TMEM132C: variants seen among roughly 807,000 people sequenced by gnomAD.
TMEM132C encodes the protein transmembrane protein 132C, also known as protein phosphatase 1, regulatory subunit 152.
In TMEM132C, 29 loss-of-function variants were observed where a neutral mutation model predicts 61.4. The observed-to-expected ratio is 0.47, with a 90% confidence interval of 0.35 to 0.64. The LOEUF (loss-of-function observed/expected upper bound fraction) is 0.64. TMEM132C is among the 30% of genes least tolerant of loss of function. The probability of loss-of-function intolerance (pLI) is 0.00; values close to 1 mark genes in which losing one functional copy is unlikely to be tolerated. For missense variants in TMEM132C, 1,408 were observed against 1,476.9 expected (o/e 0.95, Z 0.76); for synonymous variants, 656 against 633.1 (o/e 1.04, Z -0.54).
intron 1 of TMEM132C, among the ~76,000 whole-genome samples, chr12:128,338,771 T>TATATATATATATATATATATATATATAA (rs1194192496): frequency 6.7e-6 from 1 of 149,662 alleles, no homozygotes; most frequent in Admixed American, 6.6e-5. Flanking sequence ...TATATATATA[T>TATATATATATATATATATATATATATAA]ATATATTTTG....
intron 1 of TMEM132C, among the ~76,000 whole-genome samples, chr12:128,304,602 C>T (rs193198275): frequency 8.4e-4 from 126 of 149,380 alleles, no homozygotes; most frequent in Non-Finnish European, 1.6e-3. Flanking sequence ...GAGCAAGCCT[C>T]CGTCTCAAAA....
chr12:128,596,916 C>T (rs1198809000), intron 3 of TMEM132C, among the ~76,000 whole-genome samples: 1 of 152,130 alleles, frequency 6.6e-6, no homozygotes, highest in African/African-American at 2.4e-5. Flanking sequence ...CACTGTCTTC[C>T]GGGGAGGTCA....
At chr12:128,308,981 G>C (rs1036662010) in intron 1 of TMEM132C, among the ~76,000 whole-genome samples, 1 of 152,114 alleles carries the variant, frequency 6.6e-6, no homozygotes, top group Non-Finnish European at 1.5e-5. Flanking sequence ...TCATTGCTCT[G>C]CTGGGATGAG....
chr12:128,585,909 G>A (rs566495908), intron 3 of TMEM132C, among the ~76,000 whole-genome samples: 41 of 152,280 alleles, frequency 2.7e-4, no homozygotes, highest in African/African-American at 8.9e-4. Context: ...TGGGGAGTTC[G>A]TGTGTAATGG....
intron 3 of TMEM132C, among the ~76,000 whole-genome samples, chr12:128,551,212 C>T (rs540164769): frequency 6.7e-6 from 1 of 149,608 alleles, no homozygotes; most frequent in Non-Finnish European, 1.5e-5. Context: ...CATAAGAGCC[C>T]CCCCCCTCCC....
At chr12:128,413,163 G>A (rs1868623204) in intron 1 of TMEM132C, among the ~76,000 whole-genome samples, 1 of 152,084 alleles carries the variant, frequency 6.6e-6, no homozygotes, top group African/African-American at 2.4e-5. Flanking sequence ...GCCAGGCATG[G>A]TGGTGGGCAC....
At chr12:128,333,947 GTGT>G (rs567107048) in intron 1 of TMEM132C, among the ~76,000 whole-genome samples, 91 of 151,600 alleles carry the variant, frequency 6.0e-4, no homozygotes, top group Middle Eastern at 6.8e-3. Context: ...AGAGTGTGTG[GTGT>G]TGTGTGTAAG....
intron 2 of TMEM132C, among the ~76,000 whole-genome samples, chr12:128,512,526 C>T (rs1323442403): frequency 6.6e-6 from 1 of 152,240 alleles, no homozygotes; most frequent in East Asian, 1.9e-4. Flanking sequence ...CTGGGTGTTT[C>T]CCAAATGTCT....
chr12:128,645,561 C>A (rs1486025587), intron 4 of TMEM132C, among the ~76,000 whole-genome samples: 1 of 152,190 alleles, frequency 6.6e-6, no homozygotes, highest in Non-Finnish European at 1.5e-5. Context: ...TTTATGGGCA[C>A]CAAGAAAACC....
At chr12:128,314,542 G>T (rs761601141) in intron 1 of TMEM132C, among the ~76,000 whole-genome samples, 1 of 152,156 alleles carries the variant, frequency 6.6e-6, no homozygotes, top group Non-Finnish European at 1.5e-5. Flanking sequence ...TGTCACTTTA[G>T]CTGGAAATAG....
chr12:128,563,823 C>T (rs2136165579), intron 3 of TMEM132C, among the ~76,000 whole-genome samples: 1 of 152,308 alleles, frequency 6.6e-6, no homozygotes, highest in East Asian at 1.9e-4. Flanking sequence ...TTCATTTGGG[C>T]TGCTCAAACA....
In TMEM132C at chr12:128,391,190, G is replaced by C. The variant is rs189433554; in HGVS notation, c.86-23542G>C. Reference sequence around the variant, plus strand: ...TATGCCACAGTTTGAGAACCACTACGGTAGGATTGGTGCTAACACTTAAAT... The same window carrying C: ...TATGCCACAGTTTGAGAACCACTACCGTAGGATTGGTGCTAACACTTAAAT... On this transcript the variant is annotated intron_variant, in intron 1 of 8. Transcript: ENST00000435159. 1.8e-3 allele frequency among the ~76,000 whole-genome samples: 273 copies of C among 152,302 alleles called. 2 individuals carry two copies. Among genetic ancestry groups the C allele is most frequent in the Non-Finnish European group, 2.8e-3 (192 of 68,018 alleles).
At chr12:128,686,314 G>A (rs1954676738) in intron 5 of TMEM132C, among the ~76,000 whole-genome samples, 2 of 152,206 alleles carry the variant, frequency 1.3e-5, no homozygotes, top group South Asian at 2.1e-4. Context: ...CGTTGATGCT[G>A]AGACCAGCTC....
At chr12:128,338,777 T>TATATATATATATATATA (rs1565905368) in intron 1 of TMEM132C, among the ~76,000 whole-genome samples, 5 of 149,142 alleles carry the variant, frequency 3.4e-5, no homozygotes, top group African/African-American at 1.3e-4. Flanking sequence ...TATATATATA[T>TATATATATATATATATA]TTTGCACAAA....
rs534205519 is a variant in TMEM132C, at chr12:128,630,022, A to G, written c.1305+13687A>G. The stretch of plus-strand genomic sequence containing the variant: ...AGATCTCATATTACCTGTTCTTACC[A>G]TAATAAAATAAATTTTAAAAATTCA... On this transcript the variant is annotated intron_variant, in intron 4 of 8. Coordinates refer to ENST00000435159, the MANE Select transcript of TMEM132C (RefSeq NM_001136103.3). The surrounding 1 kb of genome is among the most constrained non-coding windows in gnomAD (Gnocchi z 4.3). Among the ~76,000 whole-genome samples, 2 of 151,852 alleles carry G rather than the reference A, an allele frequency of 1.3e-5. No individual in the cohort carries two copies. Among genetic ancestry groups the G allele is most frequent in the African/African-American group, 2.4e-5 (1 of 41,414 alleles).
At chr12:128,450,967 CTT>C (rs1422729007) in intron 2 of TMEM132C, among the ~76,000 whole-genome samples, 2 of 152,048 alleles carry the variant, frequency 1.3e-5, no homozygotes, top group Non-Finnish European at 2.9e-5. Context: ...TTTGGCTTCT[CTT>C]GTTTTTATTT....
intron 1 of TMEM132C, among the ~76,000 whole-genome samples, chr12:128,325,751 C>T (rs952135163): frequency 2.0e-5 from 3 of 152,152 alleles, no homozygotes; most frequent in Non-Finnish European, 4.4e-5. Flanking sequence ...GCATCTGGTG[C>T]TCCCCCAGTT....
intron 1 of TMEM132C, among the ~76,000 whole-genome samples, chr12:128,313,087 G>A (rs1028981226): frequency 1.3e-5 from 2 of 152,228 alleles, no homozygotes; most frequent in Non-Finnish European, 2.9e-5. Flanking sequence ...TCCTCTGGCA[G>A]CCTCCGGCCT....
chr12:128,472,246 C>T lies in TMEM132C; in HGVS notation c.974+56626C>T, dbSNP rs537949287. Among the ~76,000 whole-genome samples, 3 of 152,268 alleles carry T rather than the reference C, an allele frequency of 2.0e-5. No individual in the cohort carries two copies. The East Asian group carries it at 5.8e-4, about 29-fold the overall frequency. ...ATGAGATAATACAAGATTAAAGACA[C>T]TCTCTGCAGCCCCATGCGTCTTTTC... On this transcript the variant is annotated intron_variant, in intron 2 of 8. Transcript: ENST00000435159.
Sources: allele counts gnomAD v4.1 joint callset (sites outside exome capture counted in the v4.1 genomes callset), GRCh38; gene constraint gnomAD v4.1.1; non-coding constraint Gnocchi (gnomAD v3.1); transcripts MANE v1.5; gene names NCBI Gene and HGNC (gene_info 2026-07-23, HGNC 2026-07-21).